GRIK1: variants seen among roughly 807,000 people sequenced by gnomAD.
The protein encoded by GRIK1 is glutamate ionotropic receptor kainate type subunit 1, also known as glutamate receptor ionotropic, kainate 1.
In GRIK1, 69 loss-of-function variants were observed where a neutral mutation model predicts 105.7. The observed-to-expected ratio is 0.65, with a 90% CI of 0.54 to 0.80. The LOEUF is 0.80. GRIK1 is among the 30% of genes least tolerant of loss of function. The pLI, the probability that GRIK1 is intolerant of heterozygous loss-of-function variation, is 0.00. For missense variants in GRIK1, 1,109 were observed against 1,167.3 expected (o/e 0.95, Z 0.73); for synonymous variants, 438 against 431.3 (o/e 1.02, Z -0.19).
At chr21:29,641,017 G>A (rs2062499241) in intron 7 of GRIK1, among the ~76,000 whole-genome samples, 2 of 152,128 alleles carry the variant, frequency 1.3e-5, no homozygotes, top group Admixed American at 1.3e-4. Flanking sequence ...GCCTTCCAAT[G>A]GCAAGAGAAT....
At chr21:29,827,288 T>G (rs2067487937) in intron 1 of GRIK1, among the ~76,000 whole-genome samples, 1 of 152,098 alleles carries the variant, frequency 6.6e-6, no homozygotes, top group Non-Finnish European at 1.5e-5. Flanking sequence ...CAAAAATTAT[T>G]CTTGCAATTT....
At position 29,592,239 on chromosome 21, in the gene GRIK1, A is replaced by G. The variant is rs1359328999; in HGVS notation, c.1252-1014T>C. Among the ~76,000 whole-genome samples, 5 of 152,186 alleles carry G rather than the reference A, an allele frequency of 3.3e-5. No homozygotes were observed. In the South Asian group the frequency reaches 8.3e-4, roughly 25 times the overall value. On this transcript the variant is annotated intron_variant, in intron 9 of 17. Transcript: ENST00000327783. The stretch of plus-strand genomic sequence containing the variant: ...CAGCTAGCGTCTTCTGTTATTATTT[A>G]TCTGTTTACCTGTCTTGTCTGTCCA...
intron 15 of GRIK1, among the ~76,000 whole-genome samples, chr21:29,558,504 A>G (rs999586391): frequency 6.6e-5 from 10 of 151,724 alleles, no homozygotes; most frequent in Admixed American, 5.9e-4. Flanking sequence ...TGTATTCTCC[A>G]TGAGGTCTGC....
chr21:29,846,458 AG>A (rs2068120209), intron 1 of GRIK1, among the ~76,000 whole-genome samples: 4 of 128,570 alleles, frequency 3.1e-5, no homozygotes, highest in Admixed American at 1.6e-4. Flanking sequence ...AGAAGGAAAG[AG>A]AGAGAGAAAG....
intron 8 of GRIK1, among the ~76,000 whole-genome samples, chr21:29,597,371 T>A (rs934886546): frequency 3.3e-5 from 5 of 152,248 alleles, no homozygotes; most frequent in African/African-American, 9.6e-5. Context: ...TGTGAAAGCA[T>A]AACAATAGCT....
At chr21:29,555,344 AAGAAGACATCC>A in intron 15 of GRIK1, 42 bp from the exon 16 acceptor site, 1 of 1,571,138 alleles carries the variant, frequency 6.4e-7, no homozygotes, top group Non-Finnish European at 8.7e-7. Context: ...CAAAATGTTG[AAGAAGACATCC>A]AGAAGTATTC....
intron 1 of GRIK1, among the ~76,000 whole-genome samples, chr21:29,881,304 A>G (rs1327563080): frequency 6.6e-6 from 1 of 152,106 alleles, no homozygotes; most frequent in Non-Finnish European, 1.5e-5. Flanking sequence ...TTGGGTATAT[A>G]TGTAATCATG....
chr21:29,758,800 G>A (rs1014754226), intron 1 of GRIK1: 2 of 152,670 alleles, frequency 1.3e-5, no homozygotes, highest in Non-Finnish European at 2.9e-5. Context: ...GTGAGATAAT[G>A]GACCCTCTTC....
chr21:29,874,903 A>T (rs1004011876), intron 1 of GRIK1, among the ~76,000 whole-genome samples: 1 of 152,122 alleles, frequency 6.6e-6, no homozygotes, highest in East Asian at 1.9e-4. Context: ...CCTATTTCAA[A>T]GTTTCAGAAA....
intron 7 of GRIK1, among the ~76,000 whole-genome samples, chr21:29,628,762 A>C (rs967483847): frequency 3.9e-5 from 6 of 152,176 alleles, no homozygotes; most frequent in African/African-American, 7.2e-5. Context: ...AATAAAACCC[A>C]AAAATCAGAT....
intron 1 of GRIK1, among the ~76,000 whole-genome samples, chr21:29,879,282 G>T (rs905768896): frequency 6.6e-6 from 1 of 152,060 alleles, no homozygotes; most frequent in African/African-American, 2.4e-5. Context: ...GGGAAGTCAG[G>T]TATAGAGGTA....
intron 13 of GRIK1, among the ~76,000 whole-genome samples, chr21:29,580,927 C>A (rs1166483440): frequency 6.6e-6 from 1 of 151,970 alleles, no homozygotes; most frequent in Non-Finnish European, 1.5e-5. Context: ...GCTATGGTTA[C>A]CAATTGAGGG....
At chr21:29,911,618 A>T (rs577632657) in intron 1 of GRIK1, among the ~76,000 whole-genome samples, 1 of 152,224 alleles carries the variant, frequency 6.6e-6, no homozygotes, top group East Asian at 1.9e-4. Context: ...TGGTACTGGT[A>T]GGCGGGGCCT....
At chr21:29,664,122 G>C (rs929607194) in intron 4 of GRIK1, among the ~76,000 whole-genome samples, 1 of 152,202 alleles carries the variant, frequency 6.6e-6, no homozygotes, top group African/African-American at 2.4e-5. Flanking sequence ...AAACTGGTTG[G>C]TTGGGGGAAG....
intron 1 of GRIK1, among the ~76,000 whole-genome samples, chr21:29,829,510 T>C (rs2251036): frequency 0.24 from 36,194 of 152,118 alleles, 4,800 homozygotes; most frequent in Non-Finnish European, 0.3. Context: ...AATGAACATT[T>C]GTTGAATTAA....
chr21:29,745,044 T>A (rs912707429), intron 1 of GRIK1, among the ~76,000 whole-genome samples: 4 of 152,152 alleles, frequency 2.6e-5, no homozygotes, highest in Non-Finnish European at 5.9e-5. Context: ...GACAACAGAA[T>A]ACAGAGAAAG....
chr21:29,679,199 T>G (rs918511075), intron 3 of GRIK1, among the ~76,000 whole-genome samples: 1 of 152,302 alleles, frequency 6.6e-6, no homozygotes, highest in Middle Eastern at 3.4e-3. Flanking sequence ...TTTCAATCAC[T>G]GCCACTGTTA....
chr21:29,841,640 A>G (rs1217746563), intron 1 of GRIK1, among the ~76,000 whole-genome samples: 1 of 152,192 alleles, frequency 6.6e-6, no homozygotes, highest in Non-Finnish European at 1.5e-5. Flanking sequence ...AAAATATGTT[A>G]TTGAATATAT....
intron 1 of GRIK1, among the ~76,000 whole-genome samples, chr21:29,804,245 A>G (rs2066793644): frequency 1.3e-5 from 2 of 152,142 alleles, no homozygotes; most frequent in Non-Finnish European, 2.9e-5. Flanking sequence ...CAACCAAGGC[A>G]AGGGAGAAAT....
Sources: gnomAD v4.1 joint callset for allele counts (sites outside exome capture counted in the v4.1 genomes callset) on GRCh38, gnomAD v4.1.1 for gene constraint, MANE v1.5 for transcripts, NCBI Gene and HGNC (gene_info 2026-07-23, HGNC 2026-07-21) for gene names.